Variants in ASB18 observed in about 807,000 individuals in gnomAD.
The protein encoded by ASB18 is ankyrin repeat and SOCS box protein 18.
In ASB18, 33 loss-of-function variants were observed where a neutral mutation model predicts 33.4. The ratio of observed to expected loss-of-function variants is 0.99; its 90% confidence interval spans 0.75 to 1.32. The LOEUF is 1.32. Ranked by LOEUF, ASB18 falls within the 40% of genes most tolerant of loss-of-function variation. The probability of loss-of-function intolerance (pLI) is 0.00; values close to 1 mark genes in which losing one functional copy is unlikely to be tolerated. For missense variants in ASB18, 694 were observed against 655.5 expected, an observed-to-expected ratio of 1.06 and a Z score of -0.64; for synonymous variants, 295 against 307.6, an observed-to-expected ratio of 0.96 and a Z score of 0.43.
rs998333525 is a variant in ASB18, at chr2:236,233,787, G to C, written c.596+3902C>G. On this transcript the variant is annotated intron_variant, in intron 3 of 5. Coordinates refer to ENST00000409749, the MANE Select transcript of ASB18 (RefSeq NM_212556.4). ...ATAAATAAATGGAGGAGTATATTGT[G>C]TGCATGATTTGAAAGCCTCAATATT... Among the ~76,000 whole-genome samples, 21 of 152,270 alleles carry C rather than the reference G, an allele frequency of 1.4e-4. 1 individual carries two copies. Among genetic ancestry groups the C allele is most frequent in the African/African-American group, 5.1e-4 (21 of 41,554 alleles).
In ASB18 at chr2:236,205,693, CTT is replaced by C. The variant is rs1040286079; in HGVS notation, c.1101+8667_1101+8668del. 3.3e-5 allele frequency among the ~76,000 whole-genome samples: 5 copies of C among 152,068 alleles called. No individual in the cohort carries two copies. The highest frequency in any genetic ancestry group is 7.4e-5 in the Non-Finnish European group (5 of 68,002). ...TTGATAAATAATTGAAGTATTTTTTCTTTTTCAGAAAATGCATTAGAAAGGCA... is the reference window on the plus strand; with the variant it reads ...TTGATAAATAATTGAAGTATTTTTTCTTTCAGAAAATGCATTAGAAAGGCA... On this transcript the variant is annotated intron_variant, in intron 4 of 5. Coordinates refer to ENST00000409749, the MANE Select transcript of ASB18 (RefSeq NM_212556.4). The surrounding 1 kb of genome is among the most constrained non-coding windows in gnomAD (Gnocchi z 5.4).
rs559452744 is a variant in ASB18, at chr2:236,263,978, G to T, written c.205+163C>A. 5.9e-5 allele frequency among the ~76,000 whole-genome samples: 9 copies of T among 152,318 alleles called. No homozygotes were observed. Among genetic ancestry groups the T allele is most frequent in the African/African-American group, 2.2e-4 (9 of 41,558 alleles). ...CTTATGTCGCACACGCATGTACATGGTCTATGCAGTACACATATATGCATG... is the reference window on the plus strand; with the variant it reads ...CTTATGTCGCACACGCATGTACATGTTCTATGCAGTACACATATATGCATG... On this transcript the variant is annotated intron_variant, in intron 1 of 5. Transcript: ENST00000409749. This position sits in a 1 kb window ranked among gnomAD's most constrained non-coding sequence, Gnocchi z 4.0.
Position 236,211,556 on chromosome 2 carries a change from C to T in ASB18, c.1101+2806G>A, listed in dbSNP as rs867400695. ...CTATTCACAGTACGGCTGCTGCCCA[C>T]GGACGGCTTGCCCTGTGACAGTGCT... On this transcript the variant is annotated intron_variant, in intron 4 of 5. Transcript: ENST00000409749. The surrounding 1 kb of genome is among the most constrained non-coding windows in gnomAD (Gnocchi z 5.0). Among the ~76,000 whole-genome samples the T allele has an allele frequency of 1.8e-4, 28 of 152,360 alleles. No individual in the cohort carries two copies. The highest frequency in any genetic ancestry group is 3.4e-3 in the Middle Eastern group (1 of 294).
In ASB18 at chr2:236,205,040, A is replaced by G. The variant is rs2106264968; in HGVS notation, c.1102-8655T>C. Among the ~76,000 whole-genome samples the G allele has an allele frequency of 6.6e-6, 1 of 152,290 alleles. No homozygotes were observed. Among genetic ancestry groups the G allele is most frequent in the East Asian group, 1.9e-4 (1 of 5,188 alleles). On this transcript the variant is annotated intron_variant, in intron 4 of 5. Transcript: ENST00000409749. This position sits in a 1 kb window ranked among gnomAD's most constrained non-coding sequence, Gnocchi z 5.4. ...ACCACCATCACCCCTCCTGTGAATC[A>G]CAGCAACACCCTCCTAACTCATCTT...
Position 236,241,589 on chromosome 2 carries a change from T to G in ASB18, c.206-187A>C, listed in dbSNP as rs2060621551. ...GATGGTCTTATGGAGTGTGAGCTATTTCTATTGTCATTACTCAATTGTCAT... is the reference window on the plus strand; with the variant it reads ...GATGGTCTTATGGAGTGTGAGCTATGTCTATTGTCATTACTCAATTGTCAT... On this transcript the variant is annotated intron_variant, in intron 1 of 5. Coordinates refer to ENST00000409749, the MANE Select transcript of ASB18 (RefSeq NM_212556.4). This position sits in a 1 kb window ranked among gnomAD's most constrained non-coding sequence, Gnocchi z 4.2. The G allele has an allele frequency of 1.4e-6, 1 of 713,314 alleles. No homozygotes were observed. Among genetic ancestry groups the G allele is most frequent in the Admixed American group, 2.1e-5 (1 of 47,258 alleles). The allele number at this position is 713,314 out of a possible 1,614,324, so 44.2% of individuals were successfully genotyped here.
At chr2:236,261,926 T>A (rs1391757680) in intron 1 of ASB18, among the ~76,000 whole-genome samples, 1 of 152,120 alleles carries the variant, frequency 6.6e-6, no homozygotes, top group Non-Finnish European at 1.5e-5. Flanking sequence ...AATAATCGTA[T>A]GGTGGAAACT....
Position 236,221,843 on chromosome 2 carries a change from G to A in ASB18, c.597-6977C>T, listed in dbSNP as rs199924964. On this transcript the variant is annotated intron_variant, in intron 3 of 5. Coordinates refer to ENST00000409749, the MANE Select transcript of ASB18 (RefSeq NM_212556.4). This position sits in a 1 kb window ranked among gnomAD's most constrained non-coding sequence, Gnocchi z 5.6. Reference sequence around the variant, plus strand: ...TGGGGGTAATGGGTGTTATGAGCTCGTCTTGTTGAATTACTGTTACTGCTG... The same window carrying A: ...TGGGGGTAATGGGTGTTATGAGCTCATCTTGTTGAATTACTGTTACTGCTG... Among the ~76,000 whole-genome samples, 12 of 152,222 alleles carry A rather than the reference G, an allele frequency of 7.9e-5. No homozygotes were observed. In the East Asian group the frequency reaches 1.5e-3, roughly 20 times the overall value.
intron 1 of ASB18, among the ~76,000 whole-genome samples, chr2:236,242,010 T>C (rs568171754): frequency 6.6e-6 from 1 of 152,276 alleles, no homozygotes; most frequent in East Asian, 1.9e-4. Context: ...ATATTTGGAA[T>C]CTGGAAATAA....
rs2060551853 is a variant in ASB18, at chr2:236,228,685, G to A, written c.596+9004C>T. ...ATGCACAGGTTCAGGAATAGTGGCT[G>A]GTTTCAGCAACCAAAGTGTGAAACC... On this transcript the variant is annotated intron_variant, in intron 3 of 5. Coordinates refer to ENST00000409749, the MANE Select transcript of ASB18 (RefSeq NM_212556.4). This position sits in a 1 kb window ranked among gnomAD's most constrained non-coding sequence, Gnocchi z 5.1. Among the ~76,000 whole-genome samples the A allele has an allele frequency of 6.6e-6, 1 of 152,134 alleles. No homozygotes were observed. The highest frequency in any genetic ancestry group is 6.5e-5 in the Admixed American group (1 of 15,276).
At chr2:236,233,564 G>A (rs1164700487) in intron 3 of ASB18, among the ~76,000 whole-genome samples, 1 of 151,910 alleles carries the variant, frequency 6.6e-6, no homozygotes, top group African/African-American at 2.4e-5. Context: ...AGTTTAGAAG[G>A]GTTATAGGAT....
rs1040024851 is a variant in ASB18, at chr2:236,225,929, C to A, written c.597-11063G>T. Reference sequence around the variant, plus strand: ...TGTGGAGACCATTGTCATCAAGAGTCAGAAAATGGAATGGCTCTGTATGTA... The same window carrying A: ...TGTGGAGACCATTGTCATCAAGAGTAAGAAAATGGAATGGCTCTGTATGTA... On this transcript the variant is annotated intron_variant, in intron 3 of 5. Transcript: ENST00000409749. The surrounding 1 kb of genome is among the most constrained non-coding windows in gnomAD (Gnocchi z 5.1). Among the ~76,000 whole-genome samples, 1 of 152,028 alleles carries A rather than the reference C, an allele frequency of 6.6e-6. No individual in the cohort carries two copies. Among genetic ancestry groups the A allele is most frequent in the Admixed American group, 6.5e-5 (1 of 15,280 alleles).
chr2:236,233,030 C>G (rs753656641), intron 3 of ASB18, among the ~76,000 whole-genome samples: 1 of 151,814 alleles, frequency 6.6e-6, no homozygotes, highest in Non-Finnish European at 1.5e-5. Context: ...AACATAGATG[C>G]GGATACTAAA....
chr2:236,224,682 C>G (rs1218245629), intron 3 of ASB18, among the ~76,000 whole-genome samples: 2 of 152,232 alleles, frequency 1.3e-5, no homozygotes, highest in Admixed American at 1.3e-4. Flanking sequence ...CGGACTCTCT[C>G]TGAGCCTTGG....
chr2:236,229,954 A>G lies in ASB18; in HGVS notation c.596+7735T>C, dbSNP rs765695483. Among the ~76,000 whole-genome samples, 2 of 152,192 alleles carry G rather than the reference A, an allele frequency of 1.3e-5. No homozygotes were observed. Among genetic ancestry groups the G allele is most frequent in the African/African-American group, 2.4e-5 (1 of 41,452 alleles). The stretch of plus-strand genomic sequence containing the variant: ...CCAGATAAAAGGATATTTATTAGCT[A>G]TAAAAGAACAAAGATAAAACTAGGA... On this transcript the variant is annotated intron_variant, in intron 3 of 5. Coordinates refer to ENST00000409749, the MANE Select transcript of ASB18 (RefSeq NM_212556.4). The surrounding 1 kb of genome is among the most constrained non-coding windows in gnomAD (Gnocchi z 5.2).
intron 3 of ASB18, among the ~76,000 whole-genome samples, chr2:236,230,051 C>T (rs1033247115): frequency 1.3e-5 from 2 of 151,804 alleles, no homozygotes; most frequent in Admixed American, 6.6e-5. Context: ...ACAGAAATGA[C>T]ACAGGTGATA....
chr2:236,207,228 G>A (rs183854807), intron 4 of ASB18, among the ~76,000 whole-genome samples: 149 of 152,296 alleles, frequency 9.8e-4, no homozygotes, highest in African/African-American at 3.4e-3. Flanking sequence ...GCCCAGCACG[G>A]ATTTGATTCT....
Position 236,237,295 on chromosome 2 carries a change from G to A in ASB18, c.596+394C>T, listed in dbSNP as rs1576406197. On this transcript the variant is annotated intron_variant, in intron 3 of 5. Transcript: ENST00000409749. The surrounding 1 kb of genome is among the most constrained non-coding windows in gnomAD (Gnocchi z 6.2). Reference sequence around the variant, plus strand: ...ACCGCGCTCATTACCTCGGCGTGGCGCCTCCCGCGCGCGCTCGCAATCAAG... The same window carrying A: ...ACCGCGCTCATTACCTCGGCGTGGCACCTCCCGCGCGCGCTCGCAATCAAG... Among the ~76,000 whole-genome samples the A allele has an allele frequency of 2.0e-5, 3 of 151,598 alleles. No individual in the cohort carries two copies. Among genetic ancestry groups the A allele is most frequent in the Admixed American group, 6.6e-5 (1 of 15,210 alleles).
chr2:236,236,481 G>A (rs989086281), intron 3 of ASB18, among the ~76,000 whole-genome samples: 7 of 152,146 alleles, frequency 4.6e-5, no homozygotes, highest in South Asian at 4.1e-4. Flanking sequence ...TAAGTCTGCG[G>A]AATTTATCAA....
rs72620805 is a variant in ASB18 at position 236,205,068 on chromosome 2, G to C, written c.1102-8683C>G. Among the ~76,000 whole-genome samples, 26,176 of 152,038 alleles carry C rather than the reference G, an allele frequency of 0.17. 2,271 individuals carry two copies. The highest frequency in any genetic ancestry group is 0.25 in the South Asian group (1,204 of 4,808). ...GCAACACCCTCCTAACTCATCTTTC[G>C]ACATCTGTTCTCCTCTTTCTCAAGC... is the stretch of plus-strand genomic sequence containing the variant. On this transcript the variant is annotated intron_variant, in intron 4 of 5. Coordinates refer to ENST00000409749, the MANE Select transcript of ASB18 (RefSeq NM_212556.4). The surrounding 1 kb of genome is among the most constrained non-coding windows in gnomAD (Gnocchi z 5.4).
Sources: gnomAD v4.1 joint callset for allele counts (sites outside exome capture counted in the v4.1 genomes callset) on GRCh38, gnomAD v4.1.1 for gene constraint, Gnocchi (gnomAD v3.1) non-coding constraint, MANE v1.5 for transcripts, NCBI Gene and HGNC (gene_info 2026-07-23, HGNC 2026-07-21) for gene names.